MERTK: variants seen among roughly 807,000 people sequenced by gnomAD.
The protein encoded by MERTK is tyrosine-protein kinase Mer.
In MERTK, 69 loss-of-function variants were observed where a neutral mutation model predicts 99.3. The ratio of observed to expected loss-of-function variants is 0.70; its 90% CI spans 0.57 to 0.85. The LOEUF (loss-of-function observed/expected upper bound fraction) is 0.85, where lower values mean the gene tolerates loss of function less well. Ranked by LOEUF, MERTK falls within the 40% of genes least tolerant of loss-of-function variation. MERTK has a pLI of 0.00. For synonymous variants in MERTK, 426 were observed against 467.6 expected (o/e 0.91, Z 1.15); for missense variants, 1,125 against 1,249.4 (o/e 0.90, Z 1.50).
intron 4 of MERTK, among the ~76,000 whole-genome samples, chr2:111,959,486 TG>T (rs1203402690): frequency 1.3e-5 from 2 of 152,078 alleles, no homozygotes; most frequent in Non-Finnish European, 2.9e-5. Flanking sequence ...TTTGGTTTTT[TG>T]TTTGTTTGTT....
chr2:111,903,679 A>G (rs1684086020), intron 1 of MERTK, among the ~76,000 whole-genome samples: 1 of 152,204 alleles, frequency 6.6e-6, no homozygotes, highest in Non-Finnish European at 1.5e-5. Context: ...TGTGAGGCAC[A>G]CTATGCCTCT....
At chr2:111,963,494 G>A (rs1292534159) in intron 4 of MERTK, among the ~76,000 whole-genome samples, 1 of 152,190 alleles carries the variant, frequency 6.6e-6, no homozygotes, top group Non-Finnish European at 1.5e-5. Flanking sequence ...GCTTTCCTAG[G>A]CAGAGGTCCC....
intron 8 of MERTK, among the ~76,000 whole-genome samples, chr2:111,992,735 A>C (rs1256233269): frequency 6.8e-6 from 1 of 147,126 alleles, no homozygotes; most frequent in African/African-American, 2.5e-5. Flanking sequence ...TGGGTGACAG[A>C]GCAAGACTCC....
chr2:111,985,581 T>C (rs536485274), intron 8 of MERTK, among the ~76,000 whole-genome samples: 18 of 152,022 alleles, frequency 1.2e-4, no homozygotes, highest in Non-Finnish European at 2.5e-4. Flanking sequence ...TAAAGAAAAA[T>C]AGGTTTAATG....
At chr2:111,918,574 A>G (rs1558770953) in intron 1 of MERTK, among the ~76,000 whole-genome samples, 1 of 152,252 alleles carries the variant, frequency 6.6e-6, no homozygotes, top group Non-Finnish European at 1.5e-5. Flanking sequence ...CAGTGGAGAA[A>G]GCAGAGGGAA....
At chr2:111,999,248 T>C (rs1372343662) in intron 10 of MERTK, among the ~76,000 whole-genome samples, 1 of 152,210 alleles carries the variant, frequency 6.6e-6, no homozygotes. Flanking sequence ...CCAATTAGTC[T>C]AAAACAGTGA....
Position 111,929,280 on chromosome 2 carries a change from T to G in MERTK, c.222T>G (p.His74Gln). Residue 74 changes from histidine to glutamine, a missense_variant, in exon 2 of 19, where the codon CAT becomes CAG. By Grantham distance (24) the His-to-Gln change is conservative (BLOSUM62 0). Transcript: ENST00000295408. ...CACCAACCCAGCCTGGAAGACCACATACAGGAAACGTAGCCATTCCCCAGG... is the reference window on the plus strand; with the variant it reads ...CACCAACCCAGCCTGGAAGACCACAGACAGGAAACGTAGCCATTCCCCAGG... ...MFSPTQPGRP[H>Q]TGNVAIPQVT... The G allele has an allele frequency of 6.2e-7, 1 of 1,614,216 alleles. No individual in the cohort carries two copies. The highest frequency in any genetic ancestry group is 1.1e-5 in the South Asian group (1 of 91,082).
chr2:112,006,866 A>T (rs11901462), intron 13 of MERTK, among the ~76,000 whole-genome samples: 4,910 of 151,780 alleles, frequency 0.032, 225 homozygotes, highest in African/African-American at 0.1. Context: ...AAAAATTTTT[A>T]AATTTTTCTA....
Position 111,929,287 on chromosome 2 carries a change from A to C in MERTK, c.229A>C (p.Asn77His). 2 of 1,614,176 alleles carry C rather than the reference A, an allele frequency of 1.2e-6. No individual in the cohort carries two copies. Among genetic ancestry groups the C allele is most frequent in the Non-Finnish European group, 1.7e-6 (2 of 1,180,038 alleles). ...CCAGCCTGGAAGACCACATACAGGA[A>C]ACGTAGCCATTCCCCAGGTGACCTC... is the stretch of plus-strand genomic sequence containing the variant. ...PTQPGRPHTG[N>H]VAIPQVTSVE... is the part of the protein sequence containing the mutation. Residue 77 changes from asparagine (N) to histidine (H), a missense_variant, in exon 2 of 19, where the codon AAC (asparagine) becomes CAC (histidine). Physicochemically the swap from Asn to His is moderately conservative, Grantham distance 68. Transcript: ENST00000295408.
rs184263136 is a variant in MERTK at position 111,917,729 on chromosome 2, A to T, written c.62-11391A>T. Among the ~76,000 whole-genome samples, 6 of 152,194 alleles carry T rather than the reference A, an allele frequency of 3.9e-5. No homozygotes were observed. In the East Asian group the frequency reaches 1.2e-3, roughly 29 times the overall value. ...GTGAAACCCCGTCTCTACTAAAAAT[A>T]CAAAAATTAGCTGGGCGTGGTAGCG... On this transcript the variant is annotated intron_variant, in intron 1 of 18. Transcript: ENST00000295408.
chr2:111,906,726 T>C (rs1684143591), intron 1 of MERTK, among the ~76,000 whole-genome samples: 1 of 152,264 alleles, frequency 6.6e-6, no homozygotes, highest in Non-Finnish European at 1.5e-5. Context: ...AGCAATGTTC[T>C]TTGAAAGTTT....
intron 14 of MERTK, 36 bp downstream of exon 14, chr2:112,008,511 G>A: frequency 5.3e-6 from 8 of 1,499,846 alleles, no homozygotes; most frequent in Non-Finnish European, 7.4e-6. Context: ...GTGGCCAAGA[G>A]GGCTCTGCTG....
intron 16 of MERTK, chr2:112,020,677 C>T (rs1379065801): frequency 1.7e-5 from 8 of 471,012 alleles, no homozygotes; most frequent in African/African-American, 4.0e-5. Flanking sequence ...CTTCCCCAAA[C>T]TCTCAGGGGG....
At position 112,003,950 on chromosome 2, in the gene MERTK, G is replaced by A. The variant is rs758444113; in HGVS notation, c.1833G>A (p.Gly611=). Reference sequence around the variant, plus strand: ...AAGGAAATCTTAAGCAGGAAGATGGGACCTCTCTGAAAGTGGCAGTGAAGA... The same window carrying A: ...AAGGAAATCTTAAGCAGGAAGATGGAACCTCTCTGAAAGTGGCAGTGAAGA... ...VMEGNLKQED[G]TSLKVAVKTM... Residue 611 remains glycine, a synonymous_variant, in exon 13 of 19, where the codon GGG becomes GGA. Coordinates refer to ENST00000295408, the MANE Select transcript of MERTK (RefSeq NM_006343.3). 2 of 1,613,756 alleles carry A rather than the reference G, an allele frequency of 1.2e-6. No homozygotes were observed. The highest frequency in any genetic ancestry group is 2.2e-5 in the South Asian group (2 of 91,078).
chr2:112,012,704 GCCCCGAC>G (rs1255133038), intron 15 of MERTK, among the ~76,000 whole-genome samples: 1 of 152,094 alleles, frequency 6.6e-6, no homozygotes, highest in East Asian at 1.9e-4. Flanking sequence ...AGACTGAAGT[GCCCCGAC>G]CTCCGGTAAC....
Position 111,992,482 on chromosome 2 carries a change from G to A in MERTK, c.1297-1769G>A, listed in dbSNP as rs1035327203. Among the ~76,000 whole-genome samples, 4 of 152,168 alleles carry A rather than the reference G, an allele frequency of 2.6e-5. No individual in the cohort carries two copies. The South Asian group carries it at 6.2e-4, about 24-fold the overall frequency. ...AATAATAAACCAGTGACCAGGCATG[G>A]TGGGTCACGCCTGTAATCCCAGCAC... On this transcript the variant is annotated intron_variant, in intron 8 of 18. Transcript: ENST00000295408.
chr2:111,997,086 G>T, intron 9 of MERTK: 1 of 660,284 alleles, frequency 1.5e-6, no homozygotes, highest in Non-Finnish European at 2.8e-6. Context: ...GTGGAGTACA[G>T]TGTGACATTT....
At chr2:111,988,716 C>G (rs756195670) in intron 8 of MERTK, among the ~76,000 whole-genome samples, 13 of 152,206 alleles carry the variant, frequency 8.5e-5, no homozygotes, top group Non-Finnish European at 1.8e-4. Flanking sequence ...GAGGCCAAGG[C>G]AGGTGGATCA....
In MERTK at chr2:112,012,687, G is replaced by A. The variant is rs182812050; in HGVS notation, c.2079+2621G>A. ...AGCATGGAGAAACTAGAGAGAAGCGGAACCTCAGACTGAAGTGCCCCGACC... is the reference window on the plus strand; with the variant it reads ...AGCATGGAGAAACTAGAGAGAAGCGAAACCTCAGACTGAAGTGCCCCGACC... On this transcript the variant is annotated intron_variant, in intron 15 of 18. Transcript: ENST00000295408. Among the ~76,000 whole-genome samples, 366 of 152,286 alleles carry A rather than the reference G, an allele frequency of 2.4e-3. 9 individuals carry two copies. Among genetic ancestry groups the A allele is most frequent in the East Asian group, 5.8e-3 (30 of 5,186 alleles).
Sources: allele counts gnomAD v4.1 joint callset (sites outside exome capture counted in the v4.1 genomes callset), GRCh38; gene constraint gnomAD v4.1.1; transcripts MANE v1.5; gene names NCBI Gene and HGNC (gene_info 2026-07-23, HGNC 2026-07-21).